Variants in CDC14B observed in about 807,000 individuals in gnomAD.
CDC14B encodes dual specificity protein phosphatase CDC14B.
A neutral mutation model predicts 64.2 loss-of-function variants in CDC14B; 22 were observed. The ratio of observed to expected loss-of-function variants is 0.34; its 90% CI spans 0.24 to 0.49. CDC14B has a LOEUF of 0.49. CDC14B is among the 20% of genes least tolerant of loss of function. The pLI is 0.99. For synonymous variants in CDC14B, 191 were observed against 215.8 expected, an observed-to-expected ratio of 0.89 and a Z score of 1.01; for missense variants, 498 against 629.9, an observed-to-expected ratio of 0.79 and a Z score of 2.24.
chr9:96,593,020 C>T (rs1262974706), intron 1 of CDC14B, among the ~76,000 whole-genome samples: 3 of 151,966 alleles, frequency 2.0e-5, no homozygotes, highest in Non-Finnish European at 4.4e-5. Context: ...AAAATGTTTG[C>T]CGTAAGAGTT....
At chr9:96,559,585 C>T (rs777192474) in intron 4 of CDC14B, among the ~76,000 whole-genome samples, 4 of 152,192 alleles carry the variant, frequency 2.6e-5, no homozygotes, top group Non-Finnish European at 4.4e-5. Flanking sequence ...CTTGACACTG[C>T]TTTTCTACTA....
chr9:96,510,949 T>A (rs1834829910), intron 12 of CDC14B, among the ~76,000 whole-genome samples: 2 of 152,184 alleles, frequency 1.3e-5, no homozygotes, highest in Non-Finnish European at 2.9e-5. Context: ...AATGACAAAC[T>A]AAACACATAT....
rs1453459645 is a variant in CDC14B, at chr9:96,515,807, AG to A, written c.1344-6019del. 1.3e-6 allele frequency: 2 copies of A among 1,577,424 alleles called. No homozygotes were observed. Among genetic ancestry groups the A allele is most frequent in the African/African-American group, 2.7e-5 (2 of 74,152 alleles). On this transcript the variant is annotated intron_variant, in intron 12 of 13. Coordinates refer to ENST00000375241, the MANE Select transcript of CDC14B (RefSeq NM_033331.4). This position sits in a 1 kb window ranked among gnomAD's most constrained non-coding sequence, Gnocchi z 4.3. ...CTAGGGGACATCTGGAAAGGGGTGA[AG>A]GGGAAAGAACAGATGTTCAAATTGG...
intron 3 of CDC14B, among the ~76,000 whole-genome samples, chr9:96,564,059 AATT>A (rs1013570902): frequency 5.3e-5 from 8 of 152,158 alleles, no homozygotes; most frequent in Non-Finnish European, 1.0e-4. Context: ...CTCTGTATTC[AATT>A]AAATTTTTTT....
intron 9 of CDC14B, among the ~76,000 whole-genome samples, chr9:96,528,386 A>G (rs1318999493): frequency 1.3e-5 from 2 of 152,062 alleles, no homozygotes; most frequent in Admixed American, 1.3e-4. Context: ...GCTGGATGTC[A>G]TGGTGCGTGC....
intron 1 of CDC14B, among the ~76,000 whole-genome samples, chr9:96,594,714 C>CAA (rs11414625): frequency 0.012 from 490 of 41,360 alleles, 4 homozygotes; most frequent in Middle Eastern, 0.038. Flanking sequence ...AAGGCTGTCT[C>CAA]AAAAAAAAAA....
chr9:96,574,286 C>A (rs1844659343), intron 1 of CDC14B, among the ~76,000 whole-genome samples: 1 of 152,070 alleles, frequency 6.6e-6, no homozygotes, highest in African/African-American at 2.4e-5. Context: ...ATGAAAACAT[C>A]TCATATGACA....
exon 14 of CDC14B, chr9:96,491,056 C>T (rs1833086322): frequency 1.3e-5 from 2 of 152,434 alleles, no homozygotes; most frequent in Middle Eastern, 3.4e-3. Flanking sequence ...CCCAGAGCCA[C>T]ACACGCCCGG....
chr9:96,515,761 A>C lies in CDC14B; in HGVS notation c.1344-5972T>G, dbSNP rs779290310. 18 of 1,605,744 alleles carry C rather than the reference A, an allele frequency of 1.1e-5. No individual in the cohort carries two copies. The African/African-American group carries it at 2.4e-4, about 21-fold the overall frequency. On this transcript the variant is annotated intron_variant, in intron 12 of 13. Coordinates refer to ENST00000375241, the MANE Select transcript of CDC14B (RefSeq NM_033331.4). This position sits in a 1 kb window ranked among gnomAD's most constrained non-coding sequence, Gnocchi z 4.3. ...ACAATCCACCAGATGACAACACTAC[A>C]CAGTGCAGAGGTCAGCACAGCTAGG...
chr9:96,593,258 G>A (rs1237569736), intron 1 of CDC14B, among the ~76,000 whole-genome samples: 4 of 152,160 alleles, frequency 2.6e-5, no homozygotes, highest in Non-Finnish European at 5.9e-5. Context: ...GGAGGCCAAG[G>A]CAGGCGGATC....
At chr9:96,603,377 A>G (rs958945289) in intron 1 of CDC14B, among the ~76,000 whole-genome samples, 2 of 152,250 alleles carry the variant, frequency 1.3e-5, no homozygotes, top group African/African-American at 4.8e-5. Flanking sequence ...ACTTAAAAAA[A>G]AGAAAGCAAC....
At chr9:96,558,516 C>T (rs190728517) in intron 4 of CDC14B, among the ~76,000 whole-genome samples, 7 of 152,204 alleles carry the variant, frequency 4.6e-5, no homozygotes, top group Admixed American at 1.3e-4. Context: ...CACACGTGCA[C>T]GTCTTGTTTC....
downstream of CDC14B, chr9:96,496,266 G>A (rs1158780727): frequency 2.0e-6 from 1 of 505,524 alleles, no homozygotes. Flanking sequence ...GGCGTGTCCA[G>A]GAGAGACCTT....
chr9:96,563,652 C>CA (rs1843524895), intron 3 of CDC14B, among the ~76,000 whole-genome samples: 1 of 116,566 alleles, frequency 8.6e-6, no homozygotes, highest in South Asian at 2.6e-4. Context: ...CTCTGTCTCA[C>CA]GGGAAAAAAA....
At chr9:96,536,061 C>A (rs1167303754) in intron 7 of CDC14B, among the ~76,000 whole-genome samples, 1 of 152,154 alleles carries the variant, frequency 6.6e-6, no homozygotes, top group Admixed American at 6.5e-5. Context: ...ATTGCTGATG[C>A]CATTAATTAA....
intron 9 of CDC14B, among the ~76,000 whole-genome samples, chr9:96,529,434 T>C (rs1314564657): frequency 6.6e-6 from 1 of 152,088 alleles, no homozygotes; most frequent in Non-Finnish European, 1.5e-5. Context: ...CTGGTCTATG[T>C]ATCTGTCTTT....
intron 9 of CDC14B, among the ~76,000 whole-genome samples, chr9:96,527,265 G>A (rs147998811): frequency 0.01 from 1,547 of 152,258 alleles, 19 homozygotes; most frequent in African/African-American, 0.035. Context: ...CGGGCGCGGT[G>A]GCGGGCGCCT....
At chr9:96,580,579 G>A (rs887215166) in intron 1 of CDC14B, among the ~76,000 whole-genome samples, 3 of 152,128 alleles carry the variant, frequency 2.0e-5, no homozygotes, top group Non-Finnish European at 2.9e-5. Flanking sequence ...TGATGGGGGC[G>A]TTCTGGAGGG....
chr9:96,548,485 T>C (rs1437141179), intron 5 of CDC14B, among the ~76,000 whole-genome samples: 1 of 151,790 alleles, frequency 6.6e-6, no homozygotes, highest in Non-Finnish European at 1.5e-5. Flanking sequence ...TATACACACA[T>C]ACACACACAC....
Sources: allele counts gnomAD v4.1 joint callset (sites outside exome capture counted in the v4.1 genomes callset), GRCh38; gene constraint gnomAD v4.1.1; non-coding constraint Gnocchi (gnomAD v3.1); transcripts MANE v1.5; gene names NCBI Gene and HGNC (gene_info 2026-07-23, HGNC 2026-07-21).